The following CCM2 variants were observed in gnomAD, a reference collection of about 807,000 sequenced individuals.
CCM2 encodes the protein CCM2 scaffold protein, also known as cerebral cavernous malformations 2 protein.
A neutral mutation model predicts 44.9 loss-of-function variants in CCM2; 25 were observed. The ratio of observed to expected loss-of-function variants is 0.56; its 90% CI spans 0.41 to 0.78. CCM2 has a LOEUF of 0.78. Among genes scored for constraint, CCM2 ranks in the 30% least tolerant of loss-of-function variants. The probability of loss-of-function intolerance (pLI) is 0.00; values close to 1 mark genes in which losing one functional copy is unlikely to be tolerated. For synonymous variants in CCM2, 219 were observed against 241.1 expected (o/e 0.91, Z 0.85); for missense variants, 481 against 580.6 (o/e 0.83, Z 1.76).
intron 1 of CCM2, among the ~76,000 whole-genome samples, chr7:45,035,830 T>C (rs1308217334): frequency 3.3e-5 from 5 of 152,054 alleles, no homozygotes; most frequent in Non-Finnish European, 5.9e-5. Context: ...TATATACATA[T>C]ATATATATAT....
At chr7:45,066,400 G>T (rs1440622934) in intron 4 of CCM2, among the ~76,000 whole-genome samples, 2 of 152,152 alleles carry the variant, frequency 1.3e-5, no homozygotes, top group African/African-American at 2.4e-5. Context: ...TCCTGCCTTA[G>T]CCTCCCAAAG....
At chr7:45,064,723 T>A in intron 4 of CCM2, 77 bp downstream of exon 4, 1 of 1,496,622 alleles carries the variant, frequency 6.7e-7, no homozygotes, top group Admixed American at 1.8e-5. Context: ...CTGGAGACAG[T>A]TTTTGCAGCT....
At chr7:45,057,447 C>T (rs1351992535) in intron 2 of CCM2, among the ~76,000 whole-genome samples, 2 of 152,336 alleles carry the variant, frequency 1.3e-5, no homozygotes, top group Middle Eastern at 3.4e-3. Flanking sequence ...AGGTGTGAGC[C>T]ACCGCGCCTG....
At chr7:45,007,151 C>T (rs960459152) in intron 1 of CCM2, among the ~76,000 whole-genome samples, 1 of 152,118 alleles carries the variant, frequency 6.6e-6, no homozygotes, top group African/African-American at 2.4e-5. Flanking sequence ...ACAGGACAAC[C>T]CTCACTGTGC....
chr7:45,067,894 G>A lies in CCM2; in HGVS notation c.473-549G>A, dbSNP rs951266545. The A allele has an allele frequency of 2.8e-5, 5 of 180,434 alleles. No individual in the cohort carries two copies. The South Asian group carries it at 5.9e-4, about 21-fold the overall frequency. 11.2% of individuals were successfully genotyped at this position (180,434 alleles called of 1,614,324 possible). A position where few individuals can be genotyped will look rare whatever the true frequency, so the allele number is the denominator to read the frequency against. Reference sequence around the variant, plus strand: ...GGTCCGAACTGATGGTGAGAGCCCTGCTTCCTGGGGATTGGCCTCACTTCT... The same window carrying A: ...GGTCCGAACTGATGGTGAGAGCCCTACTTCCTGGGGATTGGCCTCACTTCT... On this transcript the variant is annotated intron_variant, in intron 4 of 9. Coordinates refer to ENST00000258781, the MANE Select transcript of CCM2 (RefSeq NM_031443.4).
At chr7:45,048,936 A>G (rs2128737853) in intron 2 of CCM2, among the ~76,000 whole-genome samples, 1 of 152,246 alleles carries the variant, frequency 6.6e-6, no homozygotes, top group East Asian at 1.9e-4. Context: ...TGTGATAACA[A>G]ACCCAAGAAG....
chr7:45,069,362 G>A (rs1165245382), intron 5 of CCM2, among the ~76,000 whole-genome samples: 1 of 152,202 alleles, frequency 6.6e-6, no homozygotes, highest in Non-Finnish European at 1.5e-5. Flanking sequence ...TCCCCTGGGA[G>A]GGGTACAAAA....
In CCM2 at chr7:45,023,819, T is replaced by G. The variant is rs550894391; in HGVS notation, c.31-14434T>G. ...TTTTTTTTTTTTTTTTTTTTTTTTT[T>G]TTTTTTATGAGACAGAGTTTTGCTC... On this transcript the variant is annotated intron_variant, in intron 1 of 9. Coordinates refer to ENST00000258781, the MANE Select transcript of CCM2 (RefSeq NM_031443.4). Among the ~76,000 whole-genome samples the G allele has an allele frequency of 2.7e-3, 397 of 144,970 alleles. 11 individuals are homozygous for G. The highest frequency in any genetic ancestry group is 0.02 in the East Asian group (98 of 5,012).
rs1438326712 is a variant in CCM2 at position 45,063,978 on chromosome 7, C to G, written c.265C>G (p.Leu89Val). The change falls in exon 3 of 10, where the codon CTG becomes GTG. Residue 89 changes from leucine (L) to valine (V), a missense_variant. Coordinates refer to ENST00000258781, the MANE Select transcript of CCM2 (RefSeq NM_031443.4). ...GAATCCCTCCAGTAGGACTGAAATC[C>G]TGCATTTCATAGACAATGCAAAGGT... ...YLNPSSRTEI[L>V]HFIDNAKRAH... The G allele has an allele frequency of 6.2e-7, 1 of 1,612,626 alleles. No homozygotes were observed. Among genetic ancestry groups the G allele is most frequent in the Admixed American group, 1.7e-5 (1 of 60,024 alleles).
intron 1 of CCM2, among the ~76,000 whole-genome samples, chr7:45,023,787 G>GTTTTTTTT (rs10596429): frequency 2.7e-4 from 16 of 58,634 alleles, no homozygotes; most frequent in Non-Finnish European, 4.1e-4. Flanking sequence ...CTCTGTATCA[G>GTTTTTTTT]TTTTTTTTTT....
At chr7:45,042,917 G>A (rs190201592) in intron 2 of CCM2, among the ~76,000 whole-genome samples, 1 of 151,846 alleles carries the variant, frequency 6.6e-6, no homozygotes, top group Admixed American at 6.6e-5. Flanking sequence ...AGAAAGGGAG[G>A]GAACTCTTCT....
chr7:45,020,630 T>C (rs1046923308), intron 1 of CCM2, among the ~76,000 whole-genome samples: 9 of 152,254 alleles, frequency 5.9e-5, no homozygotes, highest in Non-Finnish European at 1.2e-4. Context: ...TTTTAGTAGA[T>C]GTTAACAAAT....
At position 45,063,992 on chromosome 7, in the gene CCM2, C is replaced by A; in HGVS notation, c.279C>A (p.Asp93Glu). The A allele has an allele frequency of 6.2e-7, 1 of 1,609,214 alleles. No homozygotes were observed. Among genetic ancestry groups the A allele is most frequent in the Non-Finnish European group, 8.5e-7 (1 of 1,175,546 alleles). The change falls in exon 3 of 10, where the codon GAC (aspartate) becomes GAA (glutamate). Residue 93 changes from aspartate to glutamate, a missense_variant. Transcript: ENST00000258781. ...SSRTEILHFI[D>E]NAKRAHQLPG... ...GGACTGAAATCCTGCATTTCATAGA[C>A]AATGCAAAGGTAACCCTATCCTCTT...
In CCM2 at chr7:45,016,971, A is replaced by G. The variant is rs183321664; in HGVS notation, c.30+16608A>G. ...TTTTTAGGAGCGACAGGGTTTCACC[A>G]TGTTAGCCAGGATGGTCTCGATCTC... On this transcript the variant is annotated intron_variant, in intron 1 of 9. Coordinates refer to ENST00000258781, the MANE Select transcript of CCM2 (RefSeq NM_031443.4). Among the ~76,000 whole-genome samples, 71 of 151,298 alleles carry G rather than the reference A, an allele frequency of 4.7e-4. No homozygotes were observed. In the East Asian group the frequency reaches 0.01, roughly 22 times the overall value.
chr7:45,046,503 G>A (rs988359173), intron 2 of CCM2, among the ~76,000 whole-genome samples: 1 of 152,326 alleles, frequency 6.6e-6, no homozygotes, highest in South Asian at 2.1e-4. Flanking sequence ...AGAAGGGATA[G>A]GATAGCCTTT....
rs545530114 is a variant in CCM2, at chr7:45,076,253, G to A, written c.*196G>A. 1.3e-6 allele frequency: 1 copy of A among 783,790 alleles called. No homozygotes were observed. The highest frequency in any genetic ancestry group is 1.5e-5 in the South Asian group (1 of 68,316). 48.6% of individuals were successfully genotyped at this position (783,790 alleles called of 1,614,324 possible). Reference sequence around the variant, plus strand: ...CGAGGGACACGAGCCTCAGTGCGGGGTGGAAGGCTCTTTGCCTTGTCCACC... The same window carrying A: ...CGAGGGACACGAGCCTCAGTGCGGGATGGAAGGCTCTTTGCCTTGTCCACC... On this transcript the variant is annotated 3_prime_UTR_variant, in exon 10 of 10. Transcript: ENST00000258781.
intron 1 of CCM2, among the ~76,000 whole-genome samples, chr7:45,006,900 A>G (rs1795869832): frequency 6.6e-6 from 1 of 152,218 alleles, no homozygotes; most frequent in Non-Finnish European, 1.5e-5. Flanking sequence ...AAGCCACTCA[A>G]GTCTATAATA....
At chr7:45,049,252 G>A (rs778513788) in intron 2 of CCM2, among the ~76,000 whole-genome samples, 49 of 152,204 alleles carry the variant, frequency 3.2e-4, no homozygotes, top group African/African-American at 1.0e-3. Context: ...CACCATGTCC[G>A]GCCTATTATT....
At chr7:45,056,739 T>C (rs933052566) in intron 2 of CCM2, among the ~76,000 whole-genome samples, 1 of 152,230 alleles carries the variant, frequency 6.6e-6, no homozygotes, top group Non-Finnish European at 1.5e-5. Flanking sequence ...TTATCAGATA[T>C]GATTGGAAAC....
Sources: gnomAD v4.1 joint callset for allele counts (sites outside exome capture counted in the v4.1 genomes callset) on GRCh38, gnomAD v4.1.1 for gene constraint, MANE v1.5 for transcripts, NCBI Gene and HGNC (gene_info 2026-07-23, HGNC 2026-07-21) for gene names.